The following DOCK10 variants were observed in gnomAD, a reference collection of about 807,000 sequenced individuals.
The protein encoded by DOCK10 is dedicator of cytokinesis protein 10.
Under a neutral mutation model 280.1 loss-of-function variants are expected in DOCK10, and 145 were observed. That is an observed-to-expected ratio of 0.52 (90% CI 0.45 to 0.59). The LOEUF (loss-of-function observed/expected upper bound fraction) is 0.59, where lower values mean the gene tolerates loss of function less well. Among genes scored for constraint, DOCK10 ranks in the 20% least tolerant of loss-of-function variants. The probability of loss-of-function intolerance (pLI) is 0.00; values close to 1 mark genes in which losing one functional copy is unlikely to be tolerated. For synonymous variants in DOCK10, 915 were observed against 942.2 expected (o/e 0.97, Z 0.53); for missense variants, 2,368 against 2,651.7 (o/e 0.89, Z 2.35).
At chr2:224,789,617 G>A (rs892450874) in intron 47 of DOCK10, among the ~76,000 whole-genome samples, 2 of 152,112 alleles carry the variant, frequency 1.3e-5, no homozygotes, top group South Asian at 4.1e-4. Context: ...GTGGGTGCCT[G>A]TAATCCCAGC....
At chr2:224,854,925 C>A in intron 16 of DOCK10, 38 bp downstream of exon 16, 1 of 1,520,908 alleles carries the variant, frequency 6.6e-7, no homozygotes, top group South Asian at 1.2e-5. Flanking sequence ...ATTCAATATT[C>A]AAAACTCTGC....
chr2:224,955,893 A>G (rs1704008148), intron 1 of DOCK10, among the ~76,000 whole-genome samples: 1 of 152,236 alleles, frequency 6.6e-6, no homozygotes, highest in Non-Finnish European at 1.5e-5. Context: ...TCATAAGGGC[A>G]CCCATATGTA....
intron 1 of DOCK10, among the ~76,000 whole-genome samples, chr2:225,002,682 T>G (rs371188774): frequency 8.5e-5 from 13 of 152,276 alleles, no homozygotes; most frequent in African/African-American, 3.1e-4. Flanking sequence ...AACATCCACA[T>G]ATGCAGAAAG....
intron 27 of DOCK10, among the ~76,000 whole-genome samples, chr2:224,828,436 G>A (rs1373810410): frequency 6.6e-6 from 1 of 152,160 alleles, no homozygotes; most frequent in Non-Finnish European, 1.5e-5. Context: ...CCTGGCAGAG[G>A]ATAGAGGAAA....
chr2:224,767,448 GC>G (rs1690134837), intron 55 of DOCK10, among the ~76,000 whole-genome samples: 1 of 152,174 alleles, frequency 6.6e-6, no homozygotes, highest in Non-Finnish European at 1.5e-5. Flanking sequence ...ACAGGTGTGA[GC>G]CACTGCACCC....
At chr2:224,791,631 A>AT (rs11399071) in intron 47 of DOCK10, among the ~76,000 whole-genome samples, 56,613 of 139,126 alleles carry the variant, frequency 0.41, 11,842 homozygotes, top group East Asian at 0.76. Flanking sequence ...CGCCCGGCTA[A>AT]TTTTTTTTTT....
chr2:224,781,428 C>A (rs1396504840), intron 50 of DOCK10, among the ~76,000 whole-genome samples: 4 of 152,156 alleles, frequency 2.6e-5, no homozygotes, highest in Non-Finnish European at 5.9e-5. Context: ...AGACAAATGG[C>A]AGCTCTGAAA....
Position 224,787,260 on chromosome 2 carries a change from G to GT in DOCK10, c.5541+14_5541+15insA, listed in dbSNP as rs1319191406. On this transcript the variant is annotated intron_variant, in intron 49 of 55. Coordinates refer to ENST00000258390, the MANE Select transcript of DOCK10 (RefSeq NM_014689.3). ...AGGATATTTTAATTAACTTCTAGGGGGTTGGAATACATACTTTGAAGTCTC... is the reference window on the plus strand; with the variant it reads ...AGGATATTTTAATTAACTTCTAGGGGTGTTGGAATACATACTTTGAAGTCTC... 6.2e-7 allele frequency: 1 copy of GT among 1,613,814 alleles called. No individual in the cohort carries two copies. Among genetic ancestry groups the GT allele is most frequent in the Admixed American group, 1.7e-5 (1 of 60,008 alleles).
chr2:224,824,112 A>G (rs1388858630), intron 27 of DOCK10, among the ~76,000 whole-genome samples: 1 of 152,226 alleles, frequency 6.6e-6, no homozygotes, highest in East Asian at 1.9e-4. Flanking sequence ...AATGCCCCCA[A>G]TAAACTAGTC....
intron 2 of DOCK10, among the ~76,000 whole-genome samples, chr2:224,921,107 AAAAAAATAT>A (rs1486102518): frequency 8.0e-4 from 55 of 68,424 alleles, no homozygotes; most frequent in African/African-American, 3.3e-3. Flanking sequence ...AAAAAAAAAA[AAAAAAATAT>A]ATATATATAT....
intron 48 of DOCK10, among the ~76,000 whole-genome samples, 173 bp downstream of exon 48, chr2:224,788,891 G>A (rs1480090309): frequency 6.6e-6 from 1 of 152,112 alleles, no homozygotes; most frequent in Non-Finnish European, 1.5e-5. Flanking sequence ...TTAAATTTTC[G>A]CTGAAATCTG....
intron 19 of DOCK10, among the ~76,000 whole-genome samples, chr2:224,847,032 G>A (rs894113062): frequency 1.3e-5 from 2 of 152,264 alleles, no homozygotes; most frequent in African/African-American, 4.8e-5. Context: ...ACATATCTGT[G>A]TTACTGTGAG....
At chr2:224,948,855 C>A (rs1703572371) in intron 1 of DOCK10, among the ~76,000 whole-genome samples, 1 of 152,198 alleles carries the variant, frequency 6.6e-6, no homozygotes, top group South Asian at 2.1e-4. Flanking sequence ...ATTGAATAAT[C>A]TTGAGAAACT....
intron 1 of DOCK10, among the ~76,000 whole-genome samples, chr2:224,934,654 A>G (rs532659734): frequency 8.5e-5 from 13 of 152,296 alleles, no homozygotes; most frequent in South Asian, 8.3e-4. Context: ...GGATCAGTTA[A>G]TTTCTCACTA....
chr2:224,790,383 G>A (rs534635765), intron 47 of DOCK10, among the ~76,000 whole-genome samples: 2 of 152,300 alleles, frequency 1.3e-5, no homozygotes, highest in Non-Finnish European at 2.9e-5. Flanking sequence ...GGTGATAATA[G>A]CACCTAACTC....
intron 1 of DOCK10, among the ~76,000 whole-genome samples, chr2:224,940,180 TAC>T (rs1378414738): frequency 6.6e-6 from 1 of 152,186 alleles, no homozygotes; most frequent in Non-Finnish European, 1.5e-5. Flanking sequence ...TTTCTGGGGC[TAC>T]ACTCCCACAA....
intron 1 of DOCK10, among the ~76,000 whole-genome samples, chr2:224,987,212 G>A (rs1705998631): frequency 6.6e-6 from 1 of 152,176 alleles, no homozygotes; most frequent in Non-Finnish European, 1.5e-5. Context: ...AACTTTTTCA[G>A]CAAAGAGAAT....
chr2:224,897,556 C>T (rs1449745577), intron 3 of DOCK10, among the ~76,000 whole-genome samples: 1 of 152,078 alleles, frequency 6.6e-6, no homozygotes, highest in African/African-American at 2.4e-5. Flanking sequence ...TCCCCTCCAC[C>T]CCAGCCTCCG....
At chr2:225,035,112 C>G (rs1351724560) in intron 1 of DOCK10, among the ~76,000 whole-genome samples, 1 of 152,174 alleles carries the variant, frequency 6.6e-6, no homozygotes, top group Non-Finnish European at 1.5e-5. Context: ...CATCAAGGGT[C>G]ACAGAGCCAG....
Sources: allele counts gnomAD v4.1 joint callset (sites outside exome capture counted in the v4.1 genomes callset), GRCh38; gene constraint gnomAD v4.1.1; transcripts MANE v1.5; gene names NCBI Gene and HGNC (gene_info 2026-07-23, HGNC 2026-07-21).